The following ANKMY1 variants were observed in gnomAD, a reference collection of about 807,000 sequenced individuals.
ANKMY1 encodes ankyrin repeat and MYND domain-containing protein 1.
Under a neutral mutation model 102.0 loss-of-function variants are expected in ANKMY1, and 98 were observed. That is an observed-to-expected ratio of 0.96 (90% confidence interval 0.82 to 1.14). The LOEUF is 1.14. Ranked by LOEUF, ANKMY1 falls within the 50% of genes most tolerant of loss-of-function variation. ANKMY1 has a pLI of 0.00. For synonymous variants in ANKMY1, 582 were observed against 559.9 expected, an observed-to-expected ratio of 1.04 and a Z score of -0.56; for missense variants, 1,330 against 1,347.6, an observed-to-expected ratio of 0.99 and a Z score of 0.20.
intron 4 of ANKMY1, among the ~76,000 whole-genome samples, chr2:240,545,046 T>A (rs868834255): frequency 6.6e-4 from 101 of 152,360 alleles, no homozygotes; most frequent in African/African-American, 2.2e-3. Context: ...AGGCTCCACC[T>A]CTGGGGGCAG....
chr2:240,482,056 C>T, intron 16 of ANKMY1, 127 bp downstream of exon 16: 1 of 1,030,856 alleles, frequency 9.7e-7, no homozygotes, highest in Non-Finnish European at 1.4e-6. Flanking sequence ...CTAGAGGAGG[C>T]CATGCCACTT....
intron 6 of ANKMY1, 88 bp downstream of exon 6, chr2:240,526,141 T>G: frequency 1.4e-6 from 2 of 1,479,764 alleles, no homozygotes; most frequent in East Asian, 2.3e-5. Context: ...GCTCTGCTCC[T>G]GCAGAGGGGG....
upstream of ANKMY1, chr2:240,560,516 G>A (rs2092879618): frequency 9.4e-6 from 10 of 1,068,020 alleles, no homozygotes; most frequent in Non-Finnish European, 1.2e-5. Flanking sequence ...CCCTGTCCCG[G>A]CCCAGCGCCC....
chr2:240,544,091 T>G (rs1392782127), intron 4 of ANKMY1, among the ~76,000 whole-genome samples: 2 of 152,204 alleles, frequency 1.3e-5, no homozygotes, highest in Non-Finnish European at 2.9e-5. Flanking sequence ...GTTAAAAGGT[T>G]ATTCATGAAA....
downstream of ANKMY1, among the ~76,000 whole-genome samples, chr2:240,478,331 T>G (rs1268623846): frequency 6.6e-6 from 1 of 152,250 alleles, no homozygotes; most frequent in Non-Finnish European, 1.5e-5. Context: ...TTCTTTCTTT[T>G]GCTTTGTAGA....
chr2:240,530,357 A>C (rs2085035297), intron 4 of ANKMY1, among the ~76,000 whole-genome samples: 1 of 151,982 alleles, frequency 6.6e-6, no homozygotes, highest in Non-Finnish European at 1.5e-5. Context: ...ACTGGGTCAC[A>C]GGGGTGTGTC....
Position 240,553,035 on chromosome 2 carries a change from C to T in ANKMY1, c.359G>A (p.Arg120Gln), listed in dbSNP as rs763658672. The T allele has an allele frequency of 1.3e-5, 21 of 1,613,696 alleles. 2 individuals carry two copies. Among genetic ancestry groups the T allele is most frequent in the South Asian group, 1.1e-4 (10 of 91,062 alleles). ...GGTACCCAGGCCATGGCAGTGGTCCCGGTAAAACTGCCCATGGTATGACTG... is the reference window on the plus strand; with the variant it reads ...GGTACCCAGGCCATGGCAGTGGTCCTGGTAAAACTGCCCATGGTATGACTG... ...TGESYHGQFY[R>Q]DHCHGLGTYM... The change falls in exon 4 of 18, where the codon CGG (arginine) becomes CAG (glutamine). Residue 120 changes from arginine to glutamine, a missense_variant. Transcript: ENST00000401804.
intron 15 of ANKMY1, among the ~76,000 whole-genome samples, chr2:240,497,116 C>T (rs1009132564): frequency 1.3e-5 from 2 of 152,092 alleles, no homozygotes; most frequent in Non-Finnish European, 2.9e-5. Flanking sequence ...TCCTCGCCAT[C>T]TTGGAAGCTG....
chr2:240,513,682 G>A (rs2080673679), intron 9 of ANKMY1, among the ~76,000 whole-genome samples: 1 of 152,248 alleles, frequency 6.6e-6, no homozygotes, highest in African/African-American at 2.4e-5. Flanking sequence ...CCATCCACCG[G>A]TGACCAAGGG....
At chr2:240,523,860 C>T (rs746600736) in intron 8 of ANKMY1, 25 bp downstream of exon 8, 3 of 1,602,000 alleles carry the variant, frequency 1.9e-6, no homozygotes, top group Non-Finnish European at 2.6e-6. Flanking sequence ...GCCCTCCACC[C>T]CCACCAGCTG....
In ANKMY1 at chr2:240,479,617, A is replaced by C. The variant is rs201404193; in HGVS notation, c.3085T>G (p.Phe1029Val). Residue 1029 changes from phenylalanine (F) to valine (V), a missense_variant, in exon 18 of 18, where the codon TTC becomes GTC. Phe to Val is a conservative substitution (Grantham distance 50, BLOSUM62 -1). Transcript: ENST00000401804. ...GACGTGCAGCTGCTGCTTCACTGGA[A>C]TTCTTCTCTCCTCCTGGAAACTTGC... is the stretch of plus-strand genomic sequence containing the variant. ...LEQVSRRREE[F>V]Q is the part of the protein sequence containing the mutation. The C allele has an allele frequency of 5.0e-6, 8 of 1,613,718 alleles. No individual in the cohort carries two copies. The highest frequency in any genetic ancestry group is 6.8e-6 in the Non-Finnish European group (8 of 1,179,998).
chr2:240,547,458 A>G (rs2090612641), intron 4 of ANKMY1, among the ~76,000 whole-genome samples: 10 of 145,648 alleles, frequency 6.9e-5, no homozygotes, highest in Admixed American at 2.1e-4. Flanking sequence ...AAGAACTAGA[A>G]AAGCAAGAGC....
At chr2:240,483,836 G>GC (rs553102529) in intron 15 of ANKMY1, among the ~76,000 whole-genome samples, 10 of 151,880 alleles carry the variant, frequency 6.6e-5, no homozygotes, top group Non-Finnish European at 1.2e-4. Flanking sequence ...TCCTCCCCTA[G>GC]CCCCCCACCC....
chr2:240,490,014 A>G (rs747094740), intron 15 of ANKMY1, among the ~76,000 whole-genome samples: 3 of 151,786 alleles, frequency 2.0e-5, no homozygotes, highest in Non-Finnish European at 4.4e-5. Context: ...CTAGGAATTT[A>G]TCCATTTCCT....
upstream of ANKMY1, chr2:240,558,021 G>A (rs1447446429): frequency 1.0e-6 from 1 of 966,606 alleles, no homozygotes. Flanking sequence ...AGACAGCCCC[G>A]CCCCATGCCC....
At position 240,491,380 on chromosome 2, in the gene ANKMY1, T is replaced by C. The variant is rs377056765; in HGVS notation, c.2806+8578A>G. 1.4e-4 allele frequency among the ~76,000 whole-genome samples: 22 copies of C among 152,340 alleles called. No individual in the cohort carries two copies. The East Asian group carries it at 3.7e-3, about 25-fold the overall frequency. The stretch of plus-strand genomic sequence containing the variant: ...GATATGTAAGGCTTTGTTCCCGTCA[T>C]GTTGTTTTCTCATTGTTTCATATAC... On this transcript the variant is annotated intron_variant, in intron 15 of 17. Transcript: ENST00000401804.
intron 15 of ANKMY1, among the ~76,000 whole-genome samples, chr2:240,487,553 T>C (rs1455255366): frequency 6.6e-6 from 1 of 152,054 alleles, no homozygotes; most frequent in Non-Finnish European, 1.5e-5. Flanking sequence ...TTCATACTGT[T>C]TTCCATAGTG....
rs145269258 is a variant in ANKMY1 at position 240,500,921 on chromosome 2, G to A, written c.2527-356C>T. 4.6e-3 allele frequency among the ~76,000 whole-genome samples: 701 copies of A among 152,324 alleles called. 6 individuals carry two copies. Among genetic ancestry groups the A allele is most frequent in the African/African-American group, 0.016 (668 of 41,568 alleles). On this transcript the variant is annotated intron_variant, in intron 13 of 17. Transcript: ENST00000401804. ...CTGTCAGTGACATGAGGCAGACACC[G>A]GGCAGCTCTTGTTCTTCATCAGATC...
rs553413049 is a variant in ANKMY1 at position 240,488,170 on chromosome 2, C to T, written c.2807-5909G>A. Among the ~76,000 whole-genome samples the T allele has an allele frequency of 5.9e-5, 9 of 152,262 alleles. No homozygotes were observed. The South Asian group carries it at 1.9e-3, about 32-fold the overall frequency. ...ATATATGGTGAGAGATAAAGGTCCA[C>T]TTTCATTCTTCTGCATGTGGCTATC... On this transcript the variant is annotated intron_variant, in intron 15 of 17. Transcript: ENST00000401804.
Sources: gnomAD v4.1 joint callset for allele counts (sites outside exome capture counted in the v4.1 genomes callset) on GRCh38, gnomAD v4.1.1 for gene constraint, MANE v1.5 for transcripts, NCBI Gene and HGNC (gene_info 2026-07-23, HGNC 2026-07-21) for gene names.